The following TICAM2 variants were observed in gnomAD, a reference collection of about 807,000 sequenced individuals.
TICAM2 encodes TIR domain-containing adapter molecule 2.
TICAM2 carries 8 observed loss-of-function variants against 7.3 expected under a neutral mutation model. The ratio of observed to expected loss-of-function variants is 1.10; its 90% CI spans 0.65 to 1.99. The LOEUF (loss-of-function observed/expected upper bound fraction) is 1.99, where lower values mean the gene tolerates loss of function less well. TICAM2 is among the 30% of genes most tolerant of loss of function. The pLI is 0.00. For missense variants in TICAM2, 304 were observed against 278.8 expected, an observed-to-expected ratio of 1.09 and a Z score of -0.65; for synonymous variants, 113 against 99.6, an observed-to-expected ratio of 1.13 and a Z score of -0.80.
intron 1 of TICAM2, among the ~76,000 whole-genome samples, chr5:115,587,412 T>C (rs1021185798): frequency 6.6e-6 from 1 of 152,204 alleles, no homozygotes; most frequent in Admixed American, 6.5e-5. Context: ...TATTGGAAGA[T>C]GGCATACCAT....
At chr5:115,596,393 T>C (rs1353914876) in intron 1 of TICAM2, among the ~76,000 whole-genome samples, 1 of 152,172 alleles carries the variant, frequency 6.6e-6, no homozygotes, top group African/African-American at 2.4e-5. Context: ...ATATGACAAA[T>C]AATACCCTGC....
At chr5:115,583,544 A>C (rs1755003044) in intron 1 of TICAM2, among the ~76,000 whole-genome samples, 2 of 152,220 alleles carry the variant, frequency 1.3e-5, no homozygotes, top group Admixed American at 1.3e-4. Context: ...GAAAAAAACT[A>C]GTGGCAATGT....
intron 1 of TICAM2, among the ~76,000 whole-genome samples, chr5:115,595,913 T>C (rs256946): frequency 0.12 from 18,353 of 152,288 alleles, 1,211 homozygotes; most frequent in Middle Eastern, 0.15. Context: ...TCATCCTCTG[T>C]ATATCCATAA....
At chr5:115,582,683 T>A (rs1325793697) in intron 1 of TICAM2, among the ~76,000 whole-genome samples, 1 of 152,234 alleles carries the variant, frequency 6.6e-6, no homozygotes, top group Non-Finnish European at 1.5e-5. Context: ...ACAGGTTTCA[T>A]ACTTTCAAAT....
intron 1 of TICAM2, among the ~76,000 whole-genome samples, chr5:115,595,450 A>G (rs1689864233): frequency 6.6e-6 from 1 of 152,096 alleles, no homozygotes; most frequent in Non-Finnish European, 1.5e-5. Context: ...TTCCCTGCCT[A>G]TGCTTTAGTT....
chr5:115,586,803 G>C (rs1755122517), intron 1 of TICAM2, among the ~76,000 whole-genome samples: 1 of 152,118 alleles, frequency 6.6e-6, no homozygotes, highest in Non-Finnish European at 1.5e-5. Context: ...AAATATTTTG[G>C]TGGAAACTCA....
At chr5:115,586,021 C>T (rs1755090932) in intron 1 of TICAM2, among the ~76,000 whole-genome samples, 1 of 152,124 alleles carries the variant, frequency 6.6e-6, no homozygotes, top group Non-Finnish European at 1.5e-5. Flanking sequence ...GTTGACTAGG[C>T]ATTGAATATA....
rs1754860579 is a variant in TICAM2 at position 115,580,094 on chromosome 5, A to T, written c.*455T>A. The stretch of plus-strand genomic sequence containing the variant: ...TTCTGGCAATTCATATTTCTGGGTG[A>T]TAGTACCCGAATGCTTATTGCAACA... On this transcript the variant is annotated 3_prime_UTR_variant, in exon 2 of 2. Transcript: ENST00000427199. 6.5e-6 allele frequency: 1 copy of T among 153,828 alleles called. No homozygotes were observed. The highest frequency in any genetic ancestry group is 6.5e-5 in the Admixed American group (1 of 15,378). The allele number at this position is 153,828 out of a possible 1,614,324, so 9.5% of individuals were successfully genotyped here.
chr5:115,594,827 G>A (rs77947700), intron 1 of TICAM2, among the ~76,000 whole-genome samples: 2,042 of 152,252 alleles, frequency 0.013, 50 homozygotes, highest in African/African-American at 0.047. Flanking sequence ...CCTGGGAGGA[G>A]GACTGACTTA....
chr5:115,598,116 C>T (rs187445158), intron 1 of TICAM2, among the ~76,000 whole-genome samples: 1 of 152,012 alleles, frequency 6.6e-6, no homozygotes, highest in African/African-American at 2.4e-5. Flanking sequence ...AATAAAAATT[C>T]ATTTTCTAGG....
chr5:115,597,944 C>T (rs531842967), intron 1 of TICAM2, among the ~76,000 whole-genome samples: 2 of 152,134 alleles, frequency 1.3e-5, no homozygotes, highest in Non-Finnish European at 2.9e-5. Flanking sequence ...CATTGATCCT[C>T]TGTGAATGGT....
At chr5:115,588,236 C>T (rs973033535) in intron 1 of TICAM2, among the ~76,000 whole-genome samples, 4 of 152,122 alleles carry the variant, frequency 2.6e-5, no homozygotes, top group Admixed American at 6.6e-5. Flanking sequence ...CGTGTGGAAG[C>T]GTCTTAGAAT....
At position 115,598,244 on chromosome 5, in the gene TICAM2, G is replaced by C. The variant is rs555208920; in HGVS notation, c.-60+3853C>G. Reference sequence around the variant, plus strand: ...TATATATATCTTTTCCAACACCTTTGGTAAGTGTCTTCCTTACATGCTCTA... The same window carrying C: ...TATATATATCTTTTCCAACACCTTTCGTAAGTGTCTTCCTTACATGCTCTA... On this transcript the variant is annotated intron_variant, in intron 1 of 1. Transcript: ENST00000427199. Among the ~76,000 whole-genome samples, 6 of 152,060 alleles carry C rather than the reference G, an allele frequency of 3.9e-5. No individual in the cohort carries two copies. In the East Asian group the frequency reaches 1.2e-3, roughly 29 times the overall value.
chr5:115,597,350 T>A (rs1755548161), intron 1 of TICAM2, among the ~76,000 whole-genome samples: 1 of 152,244 alleles, frequency 6.6e-6, no homozygotes, highest in Admixed American at 6.5e-5. Flanking sequence ...GTTATATGAC[T>A]ATATTTTATT....
Position 115,580,582 on chromosome 5 carries a change from T to A in TICAM2, c.675A>T (p.Thr225=). ...YKTQQTIWKE[T]RNMVQRQFIA Reference sequence around the variant, plus strand: ...TAAATTGTCTTTGTACCATATTTCTTGTCTCTTTCCATATAGTTTGTTGTG... The same window carrying A: ...TAAATTGTCTTTGTACCATATTTCTAGTCTCTTTCCATATAGTTTGTTGTG... The change falls in exon 2 of 2, where the codon ACA becomes ACT. Residue 225 remains threonine (T), a synonymous_variant. Transcript: ENST00000427199. 6.2e-7 allele frequency: 1 copy of A among 1,600,358 alleles called. No individual in the cohort carries two copies. Among genetic ancestry groups the A allele is most frequent in the Non-Finnish European group, 8.5e-7 (1 of 1,175,974 alleles).
Position 115,602,223 on chromosome 5 carries a change from G to GCGCCGCAACCCAGT in TICAM2, c.-200_-187dup, listed in dbSNP as rs1240155339. 2 of 152,514 alleles carry GCGCCGCAACCCAGT rather than the reference G, an allele frequency of 1.3e-5. No homozygotes were observed. The highest frequency in any genetic ancestry group is 2.4e-5 in the African/African-American group (1 of 41,468). 9.4% of individuals were successfully genotyped at this position (152,514 alleles called of 1,614,324 possible). The stretch of plus-strand genomic sequence containing the variant: ...AGTTTGGGGCCGTCCCGTACGCGGC[G>GCGCCGCAACCCAGT]CGCCGCAACCCAGTCCCCGCGACCA... On this transcript the variant is annotated 5_prime_UTR_variant, in exon 1 of 2. Transcript: ENST00000427199.
intron 1 of TICAM2, among the ~76,000 whole-genome samples, chr5:115,599,087 T>C (rs1755617652): frequency 6.6e-6 from 1 of 151,326 alleles, no homozygotes; most frequent in Admixed American, 6.6e-5. Context: ...AAAAGTTCAA[T>C]TTATATAATA....
At chr5:115,601,564 T>TA (rs1755741426) in intron 1 of TICAM2, among the ~76,000 whole-genome samples, 1 of 152,252 alleles carries the variant, frequency 6.6e-6, no homozygotes, top group South Asian at 2.1e-4. Flanking sequence ...AAGGATAAAT[T>TA]AAAAAATAAT....
chr5:115,599,062 CAA>C (rs200920989), intron 1 of TICAM2, among the ~76,000 whole-genome samples: 39 of 78,468 alleles, frequency 5.0e-4, no homozygotes, highest in Admixed American at 8.4e-4. Flanking sequence ...GACCTTGTCT[CAA>C]AAAAAAAAAA....
Sources: gnomAD v4.1 joint callset for allele counts (sites outside exome capture counted in the v4.1 genomes callset) on GRCh38, gnomAD v4.1.1 for gene constraint, MANE v1.5 for transcripts, NCBI Gene and HGNC (gene_info 2026-07-23, HGNC 2026-07-21) for gene names.